The following NBAS variants were observed in gnomAD, a reference collection of about 807,000 sequenced individuals.
NBAS encodes NAG/BC035112 fusion.
A neutral mutation model predicts 302.5 loss-of-function variants in NBAS; 219 were observed. That is an observed-to-expected ratio of 0.72 (90% CI 0.65 to 0.81). The LOEUF (loss-of-function observed/expected upper bound fraction) is 0.81, where lower values mean the gene tolerates loss of function less well. Ranked by LOEUF, NBAS falls within the 30% of genes least tolerant of loss-of-function variation. NBAS has a pLI of 0.00. For missense variants in NBAS, 2,932 were observed against 2,841.6 expected, an observed-to-expected ratio of 1.03 and a Z score of -0.72; for synonymous variants, 1,118 against 1,021.6, an observed-to-expected ratio of 1.09 and a Z score of -1.80.
chr2:15,457,632 T>A (rs534803169), intron 21 of NBAS, among the ~76,000 whole-genome samples: 36 of 152,306 alleles, frequency 2.4e-4, no homozygotes, highest in African/African-American at 8.7e-4. Flanking sequence ...GCTCTACTCA[T>A]CCTCAATCCC....
At chr2:14,898,732 G>A in the NBAS span, among the ~76,000 whole-genome samples, 2 of 152,110 alleles carry the variant, frequency 1.3e-5, no homozygotes, top group Non-Finnish European at 2.9e-5. Flanking sequence ...GACCGAACTT[G>A]TTCCTCCTTG....
chr2:15,125,370 A>T, the NBAS span, among the ~76,000 whole-genome samples: 1 of 152,192 alleles, frequency 6.6e-6, no homozygotes. Context: ...AGCAAGGGCA[A>T]GGAAGAGAGG....
chr2:15,344,628 C>G (rs1414262409), intron 35 of NBAS, among the ~76,000 whole-genome samples: 1 of 152,032 alleles, frequency 6.6e-6, no homozygotes, highest in East Asian at 1.9e-4. Context: ...TTCCAAACAA[C>G]TGAAAAGGAG....
chr2:14,978,287 T>C, the NBAS span, among the ~76,000 whole-genome samples: 2 of 152,212 alleles, frequency 1.3e-5, no homozygotes, highest in Non-Finnish European at 2.9e-5. Context: ...TAGTATCATA[T>C]TACTTGCATT....
At chr2:15,141,680 ATTTTGTTTTG>A in the NBAS span, among the ~76,000 whole-genome samples, 1 of 151,216 alleles carries the variant, frequency 6.6e-6, no homozygotes, top group Non-Finnish European at 1.5e-5. Flanking sequence ...AGCAAAATCA[ATTTTGTTTTG>A]TTTTGTTTTG....
In NBAS at chr2:15,275,581, G is replaced by A; in HGVS notation, c.5627C>T (p.Ala1876Val). The change falls in exon 44 of 52, where the codon GCC becomes GTC. Residue 1876 changes from alanine (A) to valine (V), a missense_variant. By Grantham distance (64) the Ala-to-Val change is moderately conservative. Transcript: ENST00000281513. ...AAAGTACTTCATGCAGACATCATAG[G>A]CATGAAGCCACTCCGGTGAAGAGCC... The part of the protein sequence containing the change: ...VPGSSPEWLH[A>V]YDVCMKYFDR... 1 of 1,614,140 alleles carries A rather than the reference G, an allele frequency of 6.2e-7. No individual in the cohort carries two copies. The highest frequency in any genetic ancestry group is 8.5e-7 in the Non-Finnish European group (1 of 1,180,008).
At chr2:15,120,190 C>A in the NBAS span, among the ~76,000 whole-genome samples, 1 of 152,222 alleles carries the variant, frequency 6.6e-6, no homozygotes, top group Non-Finnish European at 1.5e-5. Context: ...TATAGGAAAG[C>A]ACGGCAGCTT....
chr2:15,185,450 G>A (rs911855072), intron 50 of NBAS, among the ~76,000 whole-genome samples: 17 of 152,180 alleles, frequency 1.1e-4, no homozygotes, highest in African/African-American at 4.1e-4. Flanking sequence ...TCAAGCAAAG[G>A]TGAATCTCAT....
the NBAS span, among the ~76,000 whole-genome samples, chr2:15,097,922 T>A: frequency 8.5e-6 from 1 of 117,812 alleles, no homozygotes; most frequent in Non-Finnish European, 1.7e-5. Context: ...ATATTATATA[T>A]TATATATATT....
At chr2:15,406,780 A>G (rs768823189) in intron 25 of NBAS, among the ~76,000 whole-genome samples, 1 of 152,222 alleles carries the variant, frequency 6.6e-6, no homozygotes, top group African/African-American at 2.4e-5. Flanking sequence ...CCTATCTAAC[A>G]TATCGGAAAA....
At chr2:15,164,655 A>G (rs957724097), downstream of NBAS, among the ~76,000 whole-genome samples, 36 of 152,200 alleles carry the variant, frequency 2.4e-4, no homozygotes, top group African/African-American at 8.4e-4. Context: ...AAGGTTTGGG[A>G]TAACTGATAG....
intron 9 of NBAS, among the ~76,000 whole-genome samples, chr2:15,521,188 T>G (rs1662653016): frequency 2.0e-5 from 3 of 152,228 alleles, no homozygotes; most frequent in Non-Finnish European, 4.4e-5. Flanking sequence ...TATTATTAAC[T>G]GACTGCAATC....
chr2:15,251,205 G>A (rs1668349424), intron 44 of NBAS, among the ~76,000 whole-genome samples: 1 of 152,138 alleles, frequency 6.6e-6, no homozygotes, highest in Admixed American at 6.5e-5. Context: ...ACTAACACAA[G>A]AACAGAAAAC....
intron 41 of NBAS, 142 bp from the exon 42 acceptor site, chr2:15,287,325 C>T: frequency 1.4e-6 from 1 of 704,676 alleles, no homozygotes; most frequent in Non-Finnish European, 2.6e-6. Flanking sequence ...TCACAGTGAT[C>T]CAGGAAAAGT....
chr2:15,352,058 G>A lies in NBAS; in HGVS notation c.4113C>T (p.Phe1371=). ...TTTCCCCTCCTTCATGATGGATCTGGAAATTCACTCTTTGATAAAGAATCT... is the reference window on the plus strand; with the variant it reads ...TTTCCCCTCCTTCATGATGGATCTGAAAATTCACTCTTTGATAAAGAATCT... ...QTEILYQRVN[F]QIHHEGGENI... is the part of the protein sequence containing the mutation. The change falls in exon 35 of 52, where the codon TTC becomes TTT. Residue 1371 remains phenylalanine, a synonymous_variant. Coordinates refer to ENST00000281513, the MANE Select transcript of NBAS (RefSeq NM_015909.4). The A allele has an allele frequency of 6.2e-7, 1 of 1,610,560 alleles. No individual in the cohort carries two copies. Among genetic ancestry groups the A allele is most frequent in the Admixed American group, 1.7e-5 (1 of 59,996 alleles).
At chr2:15,281,508 T>C (rs1669824322) in intron 42 of NBAS, among the ~76,000 whole-genome samples, 1 of 152,240 alleles carries the variant, frequency 6.6e-6, no homozygotes, top group Non-Finnish European at 1.5e-5. Flanking sequence ...GTCTGGTAAA[T>C]CTAGCCTGTT....
rs74540962 is a variant in NBAS, at chr2:15,300,117, C to T, written c.4798-7351G>A. ...CTCTGCTGGCTCAGGACGATGCTGC[C>T]CTTCAAGATGCACAGGCTGTGCATG... is the stretch of plus-strand genomic sequence containing the variant. On this transcript the variant is annotated intron_variant, in intron 40 of 51. Coordinates refer to ENST00000281513, the MANE Select transcript of NBAS (RefSeq NM_015909.4). Among the ~76,000 whole-genome samples, 1,043 of 152,240 alleles carry T rather than the reference C, an allele frequency of 6.9e-3. 15 individuals carry two copies. Among genetic ancestry groups the T allele is most frequent in the African/African-American group, 0.024 (1,013 of 41,536 alleles).
intron 48 of NBAS, among the ~76,000 whole-genome samples, chr2:15,215,134 C>G (rs1666596697): frequency 1.3e-5 from 2 of 152,088 alleles, no homozygotes; most frequent in Non-Finnish European, 1.5e-5. Context: ...CACATTCATC[C>G]CCTCTCCCCT....
At chr2:14,782,272 TC>T in the NBAS span, among the ~76,000 whole-genome samples, 1 of 151,602 alleles carries the variant, frequency 6.6e-6, no homozygotes, top group Non-Finnish European at 1.5e-5. Context: ...AAAACAATGT[TC>T]CCCCCATTAA....
Sources: gnomAD v4.1 joint callset for allele counts (sites outside exome capture counted in the v4.1 genomes callset) on GRCh38, gnomAD v4.1.1 for gene constraint, MANE v1.5 for transcripts, NCBI Gene and HGNC (gene_info 2026-07-23, HGNC 2026-07-21) for gene names.